Variants in RBCK1 observed in about 807,000 individuals in gnomAD.
RBCK1 encodes the protein RANBP2-type and C3HC4-type zinc finger containing 1, also known as ranBP-type and C3HC4-type zinc finger-containing protein 1.
Under a neutral mutation model 71.1 loss-of-function variants are expected in RBCK1, and 44 were observed. The ratio of observed to expected loss-of-function variants is 0.62; its 90% confidence interval spans 0.49 to 0.80. The LOEUF (loss-of-function observed/expected upper bound fraction) is 0.80. RBCK1 is among the 30% of genes least tolerant of loss of function. RBCK1 has a pLI of 0.00. For missense variants in RBCK1, 569 were observed against 685.0 expected (o/e 0.83, Z 1.89); for synonymous variants, 306 against 279.7 (o/e 1.09, Z -0.94).
intron 2 of RBCK1, among the ~76,000 whole-genome samples, chr20:411,898 T>G (rs1380213944): frequency 6.6e-6 from 1 of 152,242 alleles, no homozygotes; most frequent in Non-Finnish European, 1.5e-5. Flanking sequence ...TTGATGGACA[T>G]TTGGGTGTTT....
chr20:418,440 C>G (rs1046494556), intron 4 of RBCK1, among the ~76,000 whole-genome samples: 1 of 152,110 alleles, frequency 6.6e-6, no homozygotes, highest in Non-Finnish European at 1.5e-5. Context: ...ACAATCTCGG[C>G]TCACTGCAAG....
chr20:410,418 C>T (rs755476845), intron 2 of RBCK1: 9 of 779,692 alleles, frequency 1.2e-5, no homozygotes, highest in South Asian at 1.1e-4. Flanking sequence ...CCAGATTCCT[C>T]ATGGTGCAAA....
At chr20:427,953 C>G (rs900242542) in intron 9 of RBCK1, among the ~76,000 whole-genome samples, 3 of 152,152 alleles carry the variant, frequency 2.0e-5, no homozygotes, top group Non-Finnish European at 4.4e-5. Flanking sequence ...GGCCCTATAC[C>G]ACGTCTCCAC....
At position 408,578 on chromosome 20, in the gene RBCK1, G is replaced by T; in HGVS notation, c.-180G>T. The T allele has an allele frequency of 1.3e-6, 1 of 746,048 alleles. No individual in the cohort carries two copies. The highest frequency in any genetic ancestry group is 2.3e-6 in the Non-Finnish European group (1 of 438,484). 46.2% of individuals were successfully genotyped at this position (746,048 alleles called of 1,614,324 possible). ...CGCAGGATCCCGGCCTGGTCACCGG[G>T]CAGTGTGATGCTTCCCGACTGCCGC... On this transcript the variant is annotated 5_prime_UTR_variant, in exon 1 of 12. Coordinates refer to ENST00000356286, the MANE Select transcript of RBCK1 (RefSeq NM_031229.4).
Position 417,532 on chromosome 20 carries a change from G to A in RBCK1, c.174G>A (p.Trp58Ter), listed in dbSNP as rs1381608785. The A allele has an allele frequency of 6.2e-7, 1 of 1,613,108 alleles. No homozygotes were observed. Among genetic ancestry groups the A allele is most frequent in the Non-Finnish European group, 8.5e-7 (1 of 1,179,966 alleles). The change falls in exon 3 of 12, where the codon TGG becomes TGA. Residue 58 changes from tryptophan to a stop codon, truncating the protein, a stop_gained. Transcript: ENST00000356286. LOFTEE classifies it high-confidence loss of function. This position sits in a 1 kb window ranked among gnomAD's most constrained non-coding sequence, Gnocchi z 4.7. ...EVSPTQDIRL[W>*]VSVEDAQMHT... ...CCCCTGCTGTTCTCTGCAGGCTGTG[G>A]GTGAGCGTGGAGGATGCTCAGATGC...
intron 8 of RBCK1, among the ~76,000 whole-genome samples, chr20:423,093 A>T (rs940352560): frequency 6.6e-6 from 1 of 152,166 alleles, no homozygotes; most frequent in Admixed American, 6.5e-5. Context: ...TGAGGTCGGG[A>T]ATTCGAGATC....
chr20:419,247 T>C (rs972502277), intron 4 of RBCK1, 100 bp from the exon 5 acceptor site: 87 of 1,507,806 alleles, frequency 5.8e-5, no homozygotes, highest in Middle Eastern at 2.4e-4. Context: ...AGGGAGAGGA[T>C]AGGGGGAGGG....
rs772910589 is a variant in RBCK1, at chr20:430,393, G to A, written c.1496G>A (p.Gly499Glu). 1 of 1,613,796 alleles carries A rather than the reference G, an allele frequency of 6.2e-7. No individual in the cohort carries two copies. The highest frequency in any genetic ancestry group is 8.5e-7 in the Non-Finnish European group (1 of 1,179,686). The change falls in exon 12 of 12, where the codon GGG (glycine) becomes GAG (glutamate). Residue 499 changes from glycine (G) to glutamate (E), a missense_variant. Physicochemically the swap from Gly to Glu is moderately conservative, Grantham distance 98 (BLOSUM62 -2). Transcript: ENST00000356286. This position sits in a 1 kb window ranked among gnomAD's most constrained non-coding sequence, Gnocchi z 5.6. ...TSGGCRCRVN[G>E]IPCHPSCQNC... Reference sequence around the variant, plus strand: ...GGGGGCTGCCGCTGCAGGGTAAATGGGATTCCTTGCCACCCAAGCTGTCAG... The same window carrying A: ...GGGGGCTGCCGCTGCAGGGTAAATGAGATTCCTTGCCACCCAAGCTGTCAG...
Position 419,250 on chromosome 20 carries a change from G to A in RBCK1, c.461-97G>A, listed in dbSNP as rs2016212487. 3.3e-6 allele frequency: 5 copies of A among 1,535,950 alleles called. No individual in the cohort carries two copies. The East Asian group carries it at 6.8e-5, about 21-fold the overall frequency. ...CCCCCAGGGAGGAGGGAGAGGATAG[G>A]GGGAGGGTCTGCCTGGCTGGCTCAG... On this transcript the variant is annotated intron_variant, in intron 4 of 11. Transcript: ENST00000356286.
intron 11 of RBCK1, among the ~76,000 whole-genome samples, chr20:429,715 G>A (rs1385461739): frequency 6.6e-6 from 1 of 152,166 alleles, no homozygotes; most frequent in Non-Finnish European, 1.5e-5. Flanking sequence ...TGGCTGCCCG[G>A]CCCAAAATGA....
At chr20:426,940 C>A (rs967365695) in intron 8 of RBCK1, among the ~76,000 whole-genome samples, 5 of 150,114 alleles carry the variant, frequency 3.3e-5, no homozygotes, top group African/African-American at 1.2e-4. Flanking sequence ...ATCCTCACAA[C>A]CCAGCCTCCC....
At chr20:421,071 C>A (rs1341704498) in intron 7 of RBCK1, 40 bp downstream of exon 7, 1 of 1,495,786 alleles carries the variant, frequency 6.7e-7, no homozygotes, top group South Asian at 1.3e-5. Context: ...GCAGCTTAAT[C>A]AAAGCCGCCA....
At chr20:426,163 TC>T (rs1266261722) in intron 8 of RBCK1, among the ~76,000 whole-genome samples, 2 of 152,232 alleles carry the variant, frequency 1.3e-5, no homozygotes, top group African/African-American at 4.8e-5. Flanking sequence ...AATAATCACA[TC>T]ATGGAGAATG....
rs751554744 is a variant in RBCK1 at position 430,550 on chromosome 20, C to T, written c.*120C>T. 217 of 979,974 alleles carry T rather than the reference C, an allele frequency of 2.2e-4. No individual in the cohort carries two copies. Among genetic ancestry groups the T allele is most frequent in the Non-Finnish European group, 3.1e-4 (200 of 642,344 alleles). The allele number at this position is 979,974 out of a possible 1,614,324, so 60.7% of individuals were successfully genotyped here. ...TAGCGTTGTAGGGGCCCTGCCTGCA[C>T]TGCGGTTGTCCACGGTCACATCTGC... On this transcript the variant is annotated 3_prime_UTR_variant, in exon 12 of 12. Coordinates refer to ENST00000356286, the MANE Select transcript of RBCK1 (RefSeq NM_031229.4). The surrounding 1 kb of genome is among the most constrained non-coding windows in gnomAD (Gnocchi z 5.6).
At chr20:414,463 T>C (rs1239645000) in intron 2 of RBCK1, among the ~76,000 whole-genome samples, 3 of 152,224 alleles carry the variant, frequency 2.0e-5, no homozygotes, top group Non-Finnish European at 4.4e-5. Context: ...TATGCATTTA[T>C]AGTATGTAAG....
In RBCK1 at chr20:417,423, G is replaced by A. The variant is rs992013345; in HGVS notation, c.168-103G>A. 7 of 895,156 alleles carry A rather than the reference G, an allele frequency of 7.8e-6. No individual in the cohort carries two copies. In the East Asian group the frequency reaches 1.8e-4, roughly 23 times the overall value. The allele number at this position is 895,156 out of a possible 1,614,324, so 55.5% of individuals were successfully genotyped here. ...TGTGTGTGTGTGTGTGTGTGTGTGT[G>A]CATGGCCATGTGCCTGTGTGCAAAT... On this transcript the variant is annotated intron_variant, in intron 2 of 11. Transcript: ENST00000356286. This position sits in a 1 kb window ranked among gnomAD's most constrained non-coding sequence, Gnocchi z 4.7.
At chr20:423,830 C>A (rs568512214) in intron 8 of RBCK1, among the ~76,000 whole-genome samples, 2 of 152,066 alleles carry the variant, frequency 1.3e-5, no homozygotes, top group Non-Finnish European at 2.9e-5. Context: ...GGGTCAGCCG[C>A]GGTGGCCTGG....
intron 8 of RBCK1, among the ~76,000 whole-genome samples, chr20:425,911 C>T (rs1464232428): frequency 6.6e-6 from 1 of 152,166 alleles, no homozygotes; most frequent in African/African-American, 2.4e-5. Flanking sequence ...AGGCGTGATC[C>T]ATCATTCCTG....
chr20:425,080 A>G (rs2016635416), intron 8 of RBCK1, among the ~76,000 whole-genome samples: 1 of 151,626 alleles, frequency 6.6e-6, no homozygotes, highest in Non-Finnish European at 1.5e-5. Context: ...GCGCGATCTC[A>G]GCCCACTGCA....
Sources: allele counts gnomAD v4.1 joint callset (sites outside exome capture counted in the v4.1 genomes callset), GRCh38; gene constraint gnomAD v4.1.1; non-coding constraint Gnocchi (gnomAD v3.1); transcripts MANE v1.5; gene names NCBI Gene and HGNC (gene_info 2026-07-23, HGNC 2026-07-21).